ARIH1: variants seen among roughly 807,000 people sequenced by gnomAD.
ARIH1 encodes E3 ubiquitin-protein ligase ARIH1.
A neutral mutation model predicts 85.0 loss-of-function variants in ARIH1; 8 were observed. The observed-to-expected ratio is 0.09, with a 90% CI of 0.06 to 0.17. The LOEUF (loss-of-function observed/expected upper bound fraction) is 0.17, where lower values mean the gene tolerates loss of function less well. Among genes scored for constraint, ARIH1 ranks in the 10% least tolerant of loss-of-function variants. The pLI is 1.00. For missense variants in ARIH1, 311 were observed against 718.1 expected (o/e 0.43, Z 6.48); for synonymous variants, 238 against 253.6 (o/e 0.94, Z 0.59).
intron 3 of ARIH1, among the ~76,000 whole-genome samples, chr15:72,551,565 A>T (rs1287681159): frequency 6.6e-6 from 1 of 152,234 alleles, no homozygotes; most frequent in Non-Finnish European, 1.5e-5. Context: ...GTGTTAGAGC[A>T]ACTTGGTAGC....
At chr15:72,570,333 A>C in intron 10 of ARIH1, 26 bp downstream of exon 10, 1 of 1,613,070 alleles carries the variant, frequency 6.2e-7, no homozygotes, top group Non-Finnish European at 8.5e-7. Context: ...TAAGGGAAGA[A>C]TGTGTTTACA....
chr15:72,503,684 C>T (rs972353746), intron 1 of ARIH1, among the ~76,000 whole-genome samples: 1 of 152,234 alleles, frequency 6.6e-6, no homozygotes, highest in Admixed American at 6.5e-5. Flanking sequence ...GCTACTCTTA[C>T]ATTTAGTAGA....
At chr15:72,580,031 C>A (rs1490506149) in intron 11 of ARIH1, among the ~76,000 whole-genome samples, 2 of 152,144 alleles carry the variant, frequency 1.3e-5, no homozygotes, top group Non-Finnish European at 2.9e-5. Context: ...ACTTACTCAT[C>A]CAGTCTATCT....
intron 1 of ARIH1, among the ~76,000 whole-genome samples, chr15:72,510,767 AAAAGACT>A (rs2063947322): frequency 2.1e-5 from 3 of 141,576 alleles, no homozygotes; most frequent in African/African-American, 8.3e-5. Context: ...AAAAAAAAAA[AAAAGACT>A]TTTTCCCCGT....
intron 6 of ARIH1, among the ~76,000 whole-genome samples, chr15:72,562,078 CCTTTA>C (rs1263377959): frequency 3.9e-5 from 6 of 152,192 alleles, no homozygotes; most frequent in Non-Finnish European, 8.8e-5. Flanking sequence ...CTGTATTCTT[CCTTTA>C]CTTTTCTTTA....
intron 2 of ARIH1, among the ~76,000 whole-genome samples, chr15:72,538,367 A>G (rs1293037924): frequency 6.6e-6 from 1 of 152,206 alleles, no homozygotes; most frequent in African/African-American, 2.4e-5. Context: ...CTCCCCCGCA[A>G]ATAAATAAGT....
At chr15:72,487,090 G>A (rs74247000) in intron 1 of ARIH1, among the ~76,000 whole-genome samples, 5,816 of 151,262 alleles carry the variant, frequency 0.038, 336 homozygotes, top group African/African-American at 0.13. Context: ...ATTTTTTTTT[G>A]TATGTAAATA....
rs746369007 is a variant in ARIH1, at chr15:72,475,002, C to T, written c.363C>T (p.Asn121=). 1.9e-6 allele frequency: 3 copies of T among 1,556,562 alleles called. No individual in the cohort carries two copies. The highest frequency in any genetic ancestry group is 2.4e-5 in the East Asian group (1 of 42,090). Residue 121 remains asparagine (N), a synonymous_variant, in exon 1 of 14, where the codon AAC becomes AAT. Transcript: ENST00000379887. ...QHMVECIREV[N]EVIQNPATIT... Reference sequence around the variant, plus strand: ...TGGTGGAATGTATCCGGGAGGTCAACGAGGTCATCCAGGTGAGGGTGGCCG... The same window carrying T: ...TGGTGGAATGTATCCGGGAGGTCAATGAGGTCATCCAGGTGAGGGTGGCCG...
chr15:72,523,516 G>GTTTT (rs61473982), intron 2 of ARIH1, among the ~76,000 whole-genome samples: 1 of 146,246 alleles, frequency 6.8e-6, no homozygotes, highest in Non-Finnish European at 1.5e-5. Context: ...CAACAGCACA[G>GTTTT]TTTTTTTTTT....
At chr15:72,553,868 G>A (rs2064163334) in intron 3 of ARIH1, among the ~76,000 whole-genome samples, 1 of 152,180 alleles carries the variant, frequency 6.6e-6, no homozygotes, top group Non-Finnish European at 1.5e-5. Flanking sequence ...AGTGAGCCGA[G>A]ATGGTGCCAT....
intron 12 of ARIH1, chr15:72,581,681 C>G (rs930737278): frequency 3.6e-5 from 6 of 166,822 alleles, no homozygotes; most frequent in African/African-American, 1.4e-4. Context: ...TTGAATCTTC[C>G]ATACAGTGTT....
rs1466807996 is a variant in ARIH1, at chr15:72,594,499, A to C, written c.*11207A>C. The C allele has an allele frequency of 6.6e-6, 1 of 152,042 alleles. No homozygotes were observed. Among genetic ancestry groups the C allele is most frequent in the Non-Finnish European group, 1.5e-5 (1 of 67,994 alleles). The allele number at this position is 152,042 out of a possible 1,614,324, so 9.4% of individuals were successfully genotyped here. A position where few individuals can be genotyped will look rare whatever the true frequency, so the allele number is the denominator to read the frequency against. On this transcript the variant is annotated 3_prime_UTR_variant, in exon 14 of 14. Transcript: ENST00000379887. ...CATTTTTAAGTTGTTTGCTGCTAGT[A>C]TCTAGAAATACAATTGATTTTTTGT...
At chr15:72,499,332 A>T (rs2063893475) in intron 1 of ARIH1, among the ~76,000 whole-genome samples, 1 of 151,790 alleles carries the variant, frequency 6.6e-6, no homozygotes, top group Non-Finnish European at 1.5e-5. Context: ...AAGAAAAAAA[A>T]AAAGCAATAC....
At chr15:72,481,236 C>T (rs1345345601) in intron 1 of ARIH1, among the ~76,000 whole-genome samples, 1 of 152,174 alleles carries the variant, frequency 6.6e-6, no homozygotes, top group East Asian at 1.9e-4. Flanking sequence ...ATGAATCAAA[C>T]TCTGGGGATG....
In ARIH1 at chr15:72,587,558, G is replaced by GA. The variant is rs2064322860; in HGVS notation, c.*4268dup. On this transcript the variant is annotated 3_prime_UTR_variant, in exon 14 of 14. Coordinates refer to ENST00000379887, the MANE Select transcript of ARIH1 (RefSeq NM_005744.5). ...GCAGGAAATTGTTACAGGATGCACA[G>GA]AACATCCCATATCCATTGGATCTCA... 25 of 219,108 alleles carry GA rather than the reference G, an allele frequency of 1.1e-4. 3 individuals carry two copies. In the South Asian group the frequency reaches 1.4e-3, roughly 13 times the overall value. The allele number at this position is 219,108 out of a possible 1,614,324, so 13.6% of individuals were successfully genotyped here. A position where few individuals can be genotyped will look rare whatever the true frequency, so the allele number is the denominator to read the frequency against.
At chr15:72,537,506 T>C (rs938878583) in intron 2 of ARIH1, among the ~76,000 whole-genome samples, 3 of 152,188 alleles carry the variant, frequency 2.0e-5, no homozygotes, top group Non-Finnish European at 2.9e-5. Context: ...TTATGACTTA[T>C]TATTCCGTAT....
intron 12 of ARIH1, chr15:72,581,441 C>G (rs1241345629): frequency 1.3e-5 from 2 of 159,596 alleles, no homozygotes; most frequent in Non-Finnish European, 2.8e-5. Flanking sequence ...TCAGGCTAAA[C>G]TAACCCTGCA....
intron 1 of ARIH1, among the ~76,000 whole-genome samples, chr15:72,512,460 T>A (rs992314509): frequency 1.3e-5 from 2 of 151,754 alleles, no homozygotes; most frequent in South Asian, 4.2e-4. Context: ...CTAGGTAGAG[T>A]TTTATTAGTT....
chr15:72,587,530 T>G lies in ARIH1; in HGVS notation c.*4238T>G. 1 of 246,868 alleles carries G rather than the reference T, an allele frequency of 4.1e-6. No individual in the cohort carries two copies. The highest frequency in any genetic ancestry group is 8.0e-6 in the Non-Finnish European group (1 of 125,588). The allele number at this position is 246,868 out of a possible 1,614,324, so 15.3% of individuals were successfully genotyped here. On this transcript the variant is annotated 3_prime_UTR_variant, in exon 14 of 14. Transcript: ENST00000379887. Reference sequence around the variant, plus strand: ...TTCCATTGTAAAGAATTTTGGATAGTCTGCAGGAAATTGTTACAGGATGCA... The same window carrying G: ...TTCCATTGTAAAGAATTTTGGATAGGCTGCAGGAAATTGTTACAGGATGCA...
Sources: allele counts gnomAD v4.1 joint callset (sites outside exome capture counted in the v4.1 genomes callset), GRCh38; gene constraint gnomAD v4.1.1; transcripts MANE v1.5; gene names NCBI Gene and HGNC (gene_info 2026-07-23, HGNC 2026-07-21).